SYNDIG1: variants seen among roughly 807,000 people sequenced by gnomAD.
SYNDIG1 encodes the protein synapse differentiation-inducing gene protein 1.
A neutral mutation model predicts 19.4 loss-of-function variants in SYNDIG1; 9 were observed. That is an observed-to-expected ratio of 0.46 (90% confidence interval 0.28 to 0.81). SYNDIG1 has a LOEUF of 0.81. Among genes scored for constraint, SYNDIG1 ranks in the 30% least tolerant of loss-of-function variants. SYNDIG1 has a pLI of 0.12. For missense variants in SYNDIG1, 311 were observed against 343.3 expected, an observed-to-expected ratio of 0.91 and a Z score of 0.74; for synonymous variants, 141 against 145.9, an observed-to-expected ratio of 0.97 and a Z score of 0.24.
At chr20:24,515,717 T>C (rs2056847001) in intron 1 of SYNDIG1, among the ~76,000 whole-genome samples, 2 of 152,222 alleles carry the variant, frequency 1.3e-5, no homozygotes, top group South Asian at 4.1e-4. Context: ...GAACATTCCA[T>C]GCTCATGGAT....
chr20:24,547,886 G>GCCCTTAGA (rs1399012556), intron 2 of SYNDIG1, among the ~76,000 whole-genome samples: 1 of 152,196 alleles, frequency 6.6e-6, no homozygotes, highest in East Asian at 1.9e-4. Context: ...CCACCCTCCT[G>GCCCTTAGA]CCCTTAGAGA....
At chr20:24,639,446 C>A (rs1160952315) in intron 3 of SYNDIG1, among the ~76,000 whole-genome samples, 1 of 152,184 alleles carries the variant, frequency 6.6e-6, no homozygotes, top group Non-Finnish European at 1.5e-5. Flanking sequence ...CACAGCAGCT[C>A]CCCAGAATTC....
At chr20:24,482,187 GT>G (rs2055817155) in intron 1 of SYNDIG1, among the ~76,000 whole-genome samples, 1 of 152,130 alleles carries the variant, frequency 6.6e-6, no homozygotes, top group Non-Finnish European at 1.5e-5. Flanking sequence ...ATTTTTACTT[GT>G]TTTTTGGTTT....
At chr20:24,535,624 GA>G (rs200678720) in intron 1 of SYNDIG1, among the ~76,000 whole-genome samples, 11 of 150,228 alleles carry the variant, frequency 7.3e-5, no homozygotes, top group African/African-American at 1.5e-4. Context: ...GGTTTTTCAT[GA>G]AAAAAAAAGG....
chr20:24,617,849 G>A lies in SYNDIG1; in HGVS notation c.618+32856G>A, dbSNP rs557028667. Among the ~76,000 whole-genome samples, 254 of 147,670 alleles carry A rather than the reference G, an allele frequency of 1.7e-3. 1 individual carries two copies. The highest frequency in any genetic ancestry group is 2.6e-3 in the Admixed American group (38 of 14,896). On this transcript the variant is annotated intron_variant, in intron 3 of 3. Transcript: ENST00000376862. ...GAGAGACCGGGAAGGGGGGTCCTGG[G>A]GGAGGGTATGGGAGTGGGGAGAGGC...
chr20:24,550,262 T>C (rs1038275109), intron 2 of SYNDIG1, among the ~76,000 whole-genome samples: 34 of 152,204 alleles, frequency 2.2e-4, no homozygotes, highest in Non-Finnish European at 3.4e-4. Context: ...TCCCATATCT[T>C]GGATATTGCG....
intron 3 of SYNDIG1, among the ~76,000 whole-genome samples, chr20:24,613,678 G>A (rs1014589029): frequency 2.0e-5 from 3 of 152,090 alleles, no homozygotes; most frequent in Non-Finnish European, 4.4e-5. Context: ...CAGCTCCTGC[G>A]GCATCTCCCA....
chr20:24,643,563 G>A (rs947418770), intron 3 of SYNDIG1, among the ~76,000 whole-genome samples: 4 of 152,194 alleles, frequency 2.6e-5, no homozygotes, highest in Non-Finnish European at 5.9e-5. Context: ...GTCTCCACTC[G>A]TTTCCAGGGT....
chr20:24,521,220 T>C (rs1309709794), intron 1 of SYNDIG1, among the ~76,000 whole-genome samples: 1 of 152,234 alleles, frequency 6.6e-6, no homozygotes, highest in Admixed American at 6.5e-5. Context: ...CCTCTGTCAA[T>C]GGGCGTTTTC....
At chr20:24,584,785 C>T in intron 2 of SYNDIG1, 71 bp from the exon 3 acceptor site, 2 of 1,606,136 alleles carry the variant, frequency 1.2e-6, no homozygotes, top group Non-Finnish European at 1.7e-6. Flanking sequence ...CATCCCACAT[C>T]CCTGGACACC....
chr20:24,648,459 C>A (rs1247838035), intron 3 of SYNDIG1, among the ~76,000 whole-genome samples: 1 of 152,228 alleles, frequency 6.6e-6, no homozygotes, highest in Non-Finnish European at 1.5e-5. Context: ...GCCTGACTTC[C>A]TTTGTCTCAC....
At chr20:24,553,713 C>G (rs1255662940) in intron 2 of SYNDIG1, among the ~76,000 whole-genome samples, 1 of 152,168 alleles carries the variant, frequency 6.6e-6, no homozygotes, top group Non-Finnish European at 1.5e-5. Context: ...GTTACTGTAG[C>G]CTTGTAGTAT....
At chr20:24,633,654 C>T (rs980863138) in intron 3 of SYNDIG1, among the ~76,000 whole-genome samples, 3 of 152,124 alleles carry the variant, frequency 2.0e-5, no homozygotes, top group African/African-American at 4.8e-5. Flanking sequence ...CATCTGGGAA[C>T]GTTTTAGGAT....
intron 3 of SYNDIG1, among the ~76,000 whole-genome samples, chr20:24,654,995 C>G (rs536204385): frequency 6.6e-6 from 1 of 152,190 alleles, no homozygotes; most frequent in Non-Finnish European, 1.5e-5. Flanking sequence ...CTGCCACCCA[C>G]GCATGATGTT....
chr20:24,560,162 G>T (rs544583232), intron 2 of SYNDIG1, among the ~76,000 whole-genome samples: 1 of 131,386 alleles, frequency 7.6e-6, no homozygotes, highest in African/African-American at 3.0e-5. Flanking sequence ...TCTGCCTCCC[G>T]GGTTCCAGTA....
At chr20:24,515,369 A>G (rs1171021049) in intron 1 of SYNDIG1, among the ~76,000 whole-genome samples, 1 of 152,222 alleles carries the variant, frequency 6.6e-6, no homozygotes, top group Non-Finnish European at 1.5e-5. Context: ...AAGAAAGCAT[A>G]TTCAATTAGG....
chr20:24,584,108 C>A (rs897465518), intron 2 of SYNDIG1, among the ~76,000 whole-genome samples: 5 of 152,178 alleles, frequency 3.3e-5, no homozygotes, highest in Non-Finnish European at 7.3e-5. Flanking sequence ...CAGCACACCC[C>A]TTCTCCATCA....
At chr20:24,613,675 T>C (rs535433412) in intron 3 of SYNDIG1, among the ~76,000 whole-genome samples, 13 of 152,298 alleles carry the variant, frequency 8.5e-5, no homozygotes, top group South Asian at 4.1e-4. Flanking sequence ...AGCCAGCTCC[T>C]GCGGCATCTC....
intron 2 of SYNDIG1, among the ~76,000 whole-genome samples, chr20:24,555,985 G>A (rs1197404570): frequency 6.6e-6 from 1 of 152,158 alleles, no homozygotes; most frequent in African/African-American, 2.4e-5. Context: ...GAATCTGGGT[G>A]CTCCTCTATT....
Sources: gnomAD v4.1 joint callset for allele counts (sites outside exome capture counted in the v4.1 genomes callset) on GRCh38, gnomAD v4.1.1 for gene constraint, MANE v1.5 for transcripts, NCBI Gene and HGNC (gene_info 2026-07-23, HGNC 2026-07-21) for gene names.